SIK2: variants seen among roughly 807,000 people sequenced by gnomAD.
The protein encoded by SIK2 is salt inducible kinase 2.
SIK2 carries 29 observed loss-of-function variants against 103.2 expected under a neutral mutation model. That is an observed-to-expected ratio of 0.28 (90% CI 0.21 to 0.38). The LOEUF (loss-of-function observed/expected upper bound fraction) is 0.38. Among genes scored for constraint, SIK2 ranks in the 10% least tolerant of loss-of-function variants. The probability of loss-of-function intolerance (pLI) is 1.00; values close to 1 mark genes in which losing one functional copy is unlikely to be tolerated. For missense variants in SIK2, 879 were observed against 1,171.0 expected (o/e 0.75, Z 3.64); for synonymous variants, 412 against 446.1 (o/e 0.92, Z 0.96).
intron 1 of SIK2, among the ~76,000 whole-genome samples, chr11:111,611,859 A>G (rs1269980772): frequency 6.6e-6 from 1 of 152,184 alleles, no homozygotes; most frequent in Non-Finnish European, 1.5e-5. Flanking sequence ...AAGAGAAGGG[A>G]TATAGAGAGG....
chr11:111,690,324 T>C (rs1194743119), intron 4 of SIK2, among the ~76,000 whole-genome samples: 1 of 150,934 alleles, frequency 6.6e-6, no homozygotes, highest in African/African-American at 2.4e-5. Flanking sequence ...GGGGGAAAAC[T>C]CCTGCTACAC....
intron 4 of SIK2, among the ~76,000 whole-genome samples, chr11:111,696,481 C>T (rs1019942553): frequency 4.6e-5 from 7 of 152,158 alleles, no homozygotes; most frequent in South Asian, 4.1e-4. Flanking sequence ...AATGAAGCCA[C>T]GTGGCATGGC....
chr11:111,666,711 A>G (rs1316829204), intron 3 of SIK2, among the ~76,000 whole-genome samples: 2 of 152,192 alleles, frequency 1.3e-5, no homozygotes, highest in African/African-American at 4.8e-5. Flanking sequence ...TTAAAATTTC[A>G]TCATACTGTT....
At position 111,712,693 on chromosome 11, in the gene SIK2, TTTG is replaced by T. The variant is rs978593680; in HGVS notation, c.1266+321_1266+323del. On this transcript the variant is annotated intron_variant, in intron 9 of 14. Coordinates refer to ENST00000304987, the MANE Select transcript of SIK2 (RefSeq NM_015191.3). The stretch of plus-strand genomic sequence containing the variant: ...CACAAGTGTTTGGTTTGTTTGTTTG[TTTG>T]TTTTTTCCCTAACAAATTAATGCTG... Among the ~76,000 whole-genome samples, 4 of 152,348 alleles carry T rather than the reference TTTG, an allele frequency of 2.6e-5. No homozygotes were observed. The East Asian group carries it at 7.7e-4, about 29-fold the overall frequency.
chr11:111,636,888 G>A (rs951320691), intron 3 of SIK2, among the ~76,000 whole-genome samples: 2 of 152,102 alleles, frequency 1.3e-5, no homozygotes. Context: ...GTGAGTTACT[G>A]TTTTCTGTCT....
rs1312334382 is a variant in SIK2, at chr11:111,679,452, T to A, written c.317-8549T>A. Among the ~76,000 whole-genome samples the A allele has an allele frequency of 3.9e-5, 6 of 152,320 alleles. No individual in the cohort carries two copies. The South Asian group carries it at 1.0e-3, about 26-fold the overall frequency. On this transcript the variant is annotated intron_variant, in intron 3 of 14. Coordinates refer to ENST00000304987, the MANE Select transcript of SIK2 (RefSeq NM_015191.3). Reference sequence around the variant, plus strand: ...GCCAGAGTATACACAAGCAACAATTTCCTTAATTTTTGTCGAACACACAAT... The same window carrying A: ...GCCAGAGTATACACAAGCAACAATTACCTTAATTTTTGTCGAACACACAAT...
chr11:111,671,718 A>G (rs1942630356), intron 3 of SIK2: 2 of 398,376 alleles, frequency 5.0e-6, no homozygotes, highest in African/African-American at 2.1e-5. Flanking sequence ...TGCTTGAGGA[A>G]GTTGATCTCA....
At chr11:111,646,113 C>A (rs1942252802) in intron 3 of SIK2, among the ~76,000 whole-genome samples, 1 of 150,732 alleles carries the variant, frequency 6.6e-6, no homozygotes. Flanking sequence ...TATTTTACAG[C>A]TTTATTGAGG....
chr11:111,719,775 G>A lies in SIK2; in HGVS notation c.1267G>A (p.Val423Ile), dbSNP rs1194671361. The change falls in exon 10 of 15, where the codon GTC becomes ATC. Residue 423 changes from valine to isoleucine, a missense_variant and splice_region_variant. Val to Ile is a conservative substitution (Grantham distance 29). Around this residue, in one of 7 missense-constraint regions of SIK2, gnomAD observed 222 missense variants for 258.0 expected, o/e 0.86. Transcript: ENST00000304987. Reference protein sequence around the residue: ...MEEECVDTPKVNGCLLDPVPP... With the variant: ...MEEECVDTPKINGCLLDPVPP... ...GTTTCCTCTCTCCCCTGGCGTTTAG[G>A]TCAATGGCTGTCTGCTTGACCCTGT... is the stretch of plus-strand genomic sequence containing the variant. 4 of 1,612,796 alleles carry A rather than the reference G, an allele frequency of 2.5e-6. No individual in the cohort carries two copies. Among genetic ancestry groups the A allele is most frequent in the Non-Finnish European group, 3.4e-6 (4 of 1,179,498 alleles).
intron 3 of SIK2, among the ~76,000 whole-genome samples, chr11:111,666,406 G>T (rs1358730942): frequency 6.6e-6 from 1 of 151,978 alleles, no homozygotes; most frequent in Non-Finnish European, 1.5e-5. Flanking sequence ...TCGTTTTCTG[G>T]TAAGTGCTTA....
chr11:111,719,983 T>A lies in SIK2; in HGVS notation c.1475T>A (p.Leu492Gln). ...RHTLSEVTNQLVVMPGAGKIF... is the reference protein window; with the variant it reads ...RHTLSEVTNQQVVMPGAGKIF... ...ACTCTGTCAGAAGTGACCAATCAAC[T>A]GGTCGTGATGCCTGGGGCAGGTACG... Residue 492 changes from leucine to glutamine, a missense_variant, in exon 10 of 15, where the codon CTG (leucine) becomes CAG (glutamine). Transcript: ENST00000304987. The A allele has an allele frequency of 6.2e-7, 1 of 1,613,900 alleles. No homozygotes were observed.
At chr11:111,684,606 T>A (rs1942820867) in intron 3 of SIK2, among the ~76,000 whole-genome samples, 1 of 152,190 alleles carries the variant, frequency 6.6e-6, no homozygotes, top group Non-Finnish European at 1.5e-5. Flanking sequence ...TTCCCCTCAG[T>A]AGGTTATATT....
intron 3 of SIK2, among the ~76,000 whole-genome samples, chr11:111,648,694 G>T (rs1269859237): frequency 6.6e-6 from 1 of 151,856 alleles, no homozygotes; most frequent in East Asian, 1.9e-4. Flanking sequence ...TAGAAAATAT[G>T]AATCAAGCTG....
intron 4 of SIK2, among the ~76,000 whole-genome samples, chr11:111,694,330 C>T (rs546922734): frequency 6.6e-6 from 1 of 152,190 alleles, no homozygotes; most frequent in East Asian, 1.9e-4. Context: ...GTTGATGCAA[C>T]TTAATTTTTT....
chr11:111,661,785 G>A (rs1236625687), intron 3 of SIK2, among the ~76,000 whole-genome samples: 1 of 152,206 alleles, frequency 6.6e-6, no homozygotes, highest in Non-Finnish European at 1.5e-5. Flanking sequence ...CATGTGCAGA[G>A]GAACTGCCCT....
In SIK2 at chr11:111,729,822, G is replaced by A. The variant is rs1944123774; in HGVS notation, c.*5693G>A. The A allele has an allele frequency of 6.6e-6, 1 of 152,266 alleles. No individual in the cohort carries two copies. The highest frequency in any genetic ancestry group is 2.4e-5 in the African/African-American group (1 of 41,456). 9.4% of individuals were successfully genotyped at this position (152,266 alleles called of 1,614,324 possible). A position where few individuals can be genotyped will look rare whatever the true frequency, so the allele number is the denominator to read the frequency against. On this transcript the variant is annotated 3_prime_UTR_variant, in exon 15 of 15. Coordinates refer to ENST00000304987, the MANE Select transcript of SIK2 (RefSeq NM_015191.3). ...TGGCCGTGCACTGAACCAGGCTGAG[G>A]GAGACAAAAACCCCGCAGACCCGCC...
chr11:111,643,082 C>G (rs1018313435), intron 3 of SIK2, among the ~76,000 whole-genome samples: 2 of 152,010 alleles, frequency 1.3e-5, no homozygotes, highest in Non-Finnish European at 2.9e-5. Flanking sequence ...ATGGTTTTGT[C>G]TATTGTAAAG....
intron 3 of SIK2, among the ~76,000 whole-genome samples, chr11:111,644,069 C>T (rs539842911): frequency 4.0e-5 from 6 of 151,322 alleles, no homozygotes; most frequent in Non-Finnish European, 7.4e-5. Flanking sequence ...GAGCGGATCA[C>T]GAGGTCAGGA....
At position 111,671,665 on chromosome 11, in the gene SIK2, T is replaced by C; in HGVS notation, c.317-16336T>C. ...GTCCATGGACAGAACCACAGATGTG[T>C]CCAAGATCTGGGACAGCAGCTCCTG... On this transcript the variant is annotated intron_variant, in intron 3 of 14. Coordinates refer to ENST00000304987, the MANE Select transcript of SIK2 (RefSeq NM_015191.3). 3.4e-5 allele frequency: 13 copies of C among 379,212 alleles called. 1 individual carries two copies. Among genetic ancestry groups the C allele is most frequent in the South Asian group, 3.2e-4 (13 of 41,056 alleles). The allele number at this position is 379,212 out of a possible 1,614,324, so 23.5% of individuals were successfully genotyped here.
Sources: gnomAD v4.1 joint callset for allele counts (sites outside exome capture counted in the v4.1 genomes callset) on GRCh38, gnomAD v4.1.1 for gene constraint, gnomAD v4.1.1 regional missense constraint, MANE v1.5 for transcripts, NCBI Gene and HGNC (gene_info 2026-07-23, HGNC 2026-07-21) for gene names.